Variants in SCAF8 observed in about 807,000 individuals in gnomAD.
The protein encoded by SCAF8 is SR-related CTD associated factor 8, also known as SR-related and CTD-associated factor 8.
In SCAF8, 23 loss-of-function variants were observed where a neutral mutation model predicts 140.5. That is an observed-to-expected ratio of 0.16 (90% confidence interval 0.12 to 0.23). The LOEUF is 0.23. Among genes scored for constraint, SCAF8 ranks in the 10% least tolerant of loss-of-function variants. The pLI is 1.00. For missense variants in SCAF8, 1,397 were observed against 1,555.7 expected, an observed-to-expected ratio of 0.90 and a Z score of 1.72; for synonymous variants, 575 against 528.9, an observed-to-expected ratio of 1.09 and a Z score of -1.20.
At chr6:154,738,059 T>C (rs1014839630) in intron 1 of SCAF8, among the ~76,000 whole-genome samples, 2 of 151,612 alleles carry the variant, frequency 1.3e-5, no homozygotes, top group African/African-American at 4.8e-5. Flanking sequence ...TGGGTGTGTG[T>C]CTGTAGTCTT....
chr6:154,830,070 A>G (rs1778688378), intron 18 of SCAF8, among the ~76,000 whole-genome samples: 1 of 152,200 alleles, frequency 6.6e-6, no homozygotes, highest in Non-Finnish European at 1.5e-5. Context: ...TTCCTAGTCC[A>G]CTAATTTTGG....
Position 154,832,283 on chromosome 6 carries a change from C to T in SCAF8, c.2704C>T (p.Pro902Ser). 3.1e-6 allele frequency: 5 copies of T among 1,614,156 alleles called. No homozygotes were observed. The highest frequency in any genetic ancestry group is 4.2e-6 in the Non-Finnish European group (5 of 1,180,012). ...TCCTGGACTTCTGGGAACACAGCCACCAGCTGGACCTCAAAACTTACCCCC... is the reference window on the plus strand; with the variant it reads ...TCCTGGACTTCTGGGAACACAGCCATCAGCTGGACCTCAAAACTTACCCCC... Reference protein sequence around the residue: ...NTPGLLGTQPPAGPQNLPPLS... With the variant: ...NTPGLLGTQPSAGPQNLPPLS... Residue 902 changes from proline (P) to serine (S), a missense_variant, in exon 20 of 20, where the codon CCA (proline) becomes TCA (serine). Pro to Ser is a moderately conservative substitution (Grantham distance 74). Coordinates refer to ENST00000367178, the MANE Select transcript of SCAF8 (RefSeq NM_014892.5).
chr6:154,783,596 TA>T (rs1455546181), intron 3 of SCAF8, among the ~76,000 whole-genome samples: 1 of 152,244 alleles, frequency 6.6e-6, no homozygotes, highest in Non-Finnish European at 1.5e-5. Flanking sequence ...CTAAACTGTC[TA>T]GAGATTATCA....
At chr6:154,737,191 T>C (rs1306278268) in intron 1 of SCAF8, among the ~76,000 whole-genome samples, 1 of 152,214 alleles carries the variant, frequency 6.6e-6, no homozygotes, top group Non-Finnish European at 1.5e-5. Context: ...AAGGATGTTT[T>C]CGACGCTCAT....
chr6:154,758,400 G>A (rs148269819), intron 1 of SCAF8, among the ~76,000 whole-genome samples: 13 of 152,234 alleles, frequency 8.5e-5, no homozygotes, highest in Admixed American at 5.9e-4. Context: ...TTTGAGGTGC[G>A]CACAGCATAC....
chr6:154,761,543 G>C (rs998488837), intron 1 of SCAF8, among the ~76,000 whole-genome samples: 9 of 152,106 alleles, frequency 5.9e-5, no homozygotes, highest in Admixed American at 5.9e-4. Context: ...TTTCAGACTG[G>C]TCCTTTTTTT....
chr6:154,795,254 G>T (rs953672792), intron 6 of SCAF8, 115 bp downstream of exon 6: 4 of 807,126 alleles, frequency 5.0e-6, no homozygotes, highest in South Asian at 2.4e-5. Context: ...TATAAAAATG[G>T]GACCATTATG....
chr6:154,821,794 T>C (rs1231662097), intron 15 of SCAF8, among the ~76,000 whole-genome samples: 3 of 152,330 alleles, frequency 2.0e-5, no homozygotes, highest in Admixed American at 6.5e-5. Flanking sequence ...GTAAATCTTA[T>C]TTGTCTTACT....
rs1476096909 is a variant in SCAF8 at position 154,784,117 on chromosome 6, T to TGA, written c.160-3741_160-3740dup. 4.2e-3 allele frequency among the ~76,000 whole-genome samples: 371 copies of TGA among 88,836 alleles called. 5 individuals are homozygous for TGA. The highest frequency in any genetic ancestry group is 0.015 in the Middle Eastern group (3 of 194). The allele number at this position is 88,836 out of a possible 152,430, so 58.3% of individuals were successfully genotyped here. Reference sequence around the variant, plus strand: ...TTATATTTACTTATCTCTGGTGTCTTGAGATATATATATATATATATATAT... The same window carrying TGA: ...TTATATTTACTTATCTCTGGTGTCTTGAGAGATATATATATATATATATATAT... On this transcript the variant is annotated intron_variant, in intron 3 of 19. Coordinates refer to ENST00000367178, the MANE Select transcript of SCAF8 (RefSeq NM_014892.5).
chr6:154,807,010 C>T (rs949789356), intron 9 of SCAF8, among the ~76,000 whole-genome samples: 1 of 152,188 alleles, frequency 6.6e-6, no homozygotes, highest in African/African-American at 2.4e-5. Flanking sequence ...TTTATCCAAA[C>T]AACAGATTTG....
intron 1 of SCAF8, among the ~76,000 whole-genome samples, chr6:154,735,145 G>T (rs998604615): frequency 1.3e-5 from 2 of 149,440 alleles, no homozygotes; most frequent in Admixed American, 1.3e-4. Context: ...AAAAGAAAAA[G>T]AAAAAGTGTA....
At chr6:154,757,907 C>T (rs1447839370) in intron 1 of SCAF8, among the ~76,000 whole-genome samples, 1 of 147,846 alleles carries the variant, frequency 6.8e-6, no homozygotes, top group African/African-American at 2.5e-5. Flanking sequence ...AAGTAAGTTT[C>T]ACTTTTTTTT....
chr6:154,746,484 A>G (rs899956965), intron 1 of SCAF8, among the ~76,000 whole-genome samples: 10 of 152,168 alleles, frequency 6.6e-5, no homozygotes, highest in African/African-American at 2.4e-4. Context: ...TCATCATAGT[A>G]TCTTCAATTC....
At chr6:154,776,205 T>G (rs1447757891) in intron 2 of SCAF8, among the ~76,000 whole-genome samples, 1 of 146,836 alleles carries the variant, frequency 6.8e-6, no homozygotes, top group Non-Finnish European at 1.5e-5. Flanking sequence ...CACCCAGCAG[T>G]TTTTTTTTTG....
intron 1 of SCAF8, among the ~76,000 whole-genome samples, chr6:154,752,450 C>G (rs932857237): frequency 4.6e-5 from 7 of 151,824 alleles, no homozygotes; most frequent in Admixed American, 2.0e-4. Flanking sequence ...ATTTGGAAAG[C>G]TAAACTTTTA....
At chr6:154,827,840 G>GT (rs753935831) in intron 18 of SCAF8, among the ~76,000 whole-genome samples, 2,458 of 150,628 alleles carry the variant, frequency 0.016, 81 homozygotes, top group Non-Finnish European at 0.023. Context: ...GGGGCGGGGG[G>GT]GGGGGCGGTG....
intron 3 of SCAF8, 64 bp downstream of exon 3, chr6:154,778,109 T>C (rs189367079): frequency 3.5e-6 from 3 of 855,696 alleles, no homozygotes; most frequent in Non-Finnish European, 5.6e-6. Context: ...TCTTCTCCTT[T>C]AGATCAAATA....
chr6:154,803,077 T>TA (rs1364109780), intron 7 of SCAF8, among the ~76,000 whole-genome samples: 2 of 152,196 alleles, frequency 1.3e-5, no homozygotes, highest in African/African-American at 4.8e-5. Flanking sequence ...GATTATTACT[T>TA]AGACTGTTTT....
intron 5 of SCAF8, among the ~76,000 whole-genome samples, chr6:154,793,580 C>T (rs1183112027): frequency 6.6e-6 from 1 of 151,258 alleles, no homozygotes; most frequent in Non-Finnish European, 1.5e-5. Context: ...TTTGGGAGGC[C>T]GAGGCAGGCA....
Sources: gnomAD v4.1 joint callset for allele counts (sites outside exome capture counted in the v4.1 genomes callset) on GRCh38, gnomAD v4.1.1 for gene constraint, MANE v1.5 for transcripts, NCBI Gene and HGNC (gene_info 2026-07-23, HGNC 2026-07-21) for gene names.